Variants in SDK1 observed in about 807,000 individuals in gnomAD.
SDK1 encodes sidekick cell adhesion molecule 1.
A neutral mutation model predicts 245.5 loss-of-function variants in SDK1; 157 were observed. The observed-to-expected ratio is 0.64, with a 90% CI of 0.56 to 0.73. The LOEUF is 0.73. Ranked by LOEUF, SDK1 falls within the 30% of genes least tolerant of loss-of-function variation. The probability of loss-of-function intolerance (pLI) is 0.00; values close to 1 mark genes in which losing one functional copy is unlikely to be tolerated. For synonymous variants in SDK1, 1,647 were observed against 1,278.5 expected, an observed-to-expected ratio of 1.29 and a Z score of -6.15; for missense variants, 3,583 against 3,002.3, an observed-to-expected ratio of 1.19 and a Z score of -4.52.
chr7:4,208,229 A>T lies in SDK1; in HGVS notation c.5345A>T (p.Asn1782Ile). The T allele has an allele frequency of 1.2e-6, 2 of 1,614,090 alleles. No homozygotes were observed. The highest frequency in any genetic ancestry group is 2.2e-5 in the East Asian group (1 of 44,878). Reference sequence around the variant, plus strand: ...TACCTGGTCAGCATATCAGCCTTCAACGCCGCCGGAGATGGACCTAAGAGT... The same window carrying T: ...TACCTGGTCAGCATATCAGCCTTCATCGCCGCCGGAGATGGACCTAAGAGT... The part of the protein sequence containing the change: ...TKYLVSISAF[N>I]AAGDGPKSDP... Residue 1782 changes from asparagine (N) to isoleucine (I), a missense_variant, in exon 37 of 45, where the codon AAC becomes ATC. Asn to Ile is a moderately radical substitution (Grantham distance 149). Transcript: ENST00000404826.
At chr7:4,203,533 TAAA>T (rs10541704) in intron 35 of SDK1, among the ~76,000 whole-genome samples, 1,529 of 148,664 alleles carry the variant, frequency 0.01, 11 homozygotes, top group African/African-American at 0.026. Flanking sequence ...ATTTTTTTTT[TAAA>T]AAAAAAAAGC....
intron 44 of SDK1, among the ~76,000 whole-genome samples, chr7:4,263,248 G>GCC (rs1195387468): frequency 7.2e-6 from 1 of 138,330 alleles, no homozygotes; most frequent in Non-Finnish European, 1.5e-5. Context: ...GTCTGTAGCA[G>GCC]CCCACATCTT....
intron 1 of SDK1, among the ~76,000 whole-genome samples, chr7:3,502,535 C>T (rs1005529028): frequency 1.8e-4 from 28 of 152,280 alleles, no homozygotes; most frequent in African/African-American, 3.9e-4. Flanking sequence ...AGGCGTGAAC[C>T]GCCATTCCCA....
At position 4,178,666 on chromosome 7, in the gene SDK1, C is replaced by A. The variant is rs897900381; in HGVS notation, c.5098+80C>A. On this transcript the variant is annotated intron_variant, in intron 35 of 44. Transcript: ENST00000404826. ...CAGCCAGGCACGCTGCGGCCAAGCC[C>A]CTCAGGTGTCCAGCAGCGTTCTTTC... 4 of 962,220 alleles carry A rather than the reference C, an allele frequency of 4.2e-6. No homozygotes were observed. The African/African-American group carries it at 4.8e-5, about 12-fold the overall frequency. The allele number at this position is 962,220 out of a possible 1,614,324, so 59.6% of individuals were successfully genotyped here. A position where few individuals can be genotyped will look rare whatever the true frequency, so the allele number is the denominator to read the frequency against.
intron 1 of SDK1, among the ~76,000 whole-genome samples, chr7:3,474,676 G>A (rs185913638): frequency 1.6e-4 from 25 of 151,802 alleles, no homozygotes; most frequent in African/African-American, 5.6e-4. Flanking sequence ...TTGCCATCTC[G>A]CACCTGGGTC....
At chr7:3,714,430 T>C (rs1386837697) in intron 4 of SDK1, among the ~76,000 whole-genome samples, 1 of 152,246 alleles carries the variant, frequency 6.6e-6, no homozygotes. Flanking sequence ...CCTGTTTAAA[T>C]ATGAACTAGT....
chr7:3,584,028 A>T (rs1290637322), intron 1 of SDK1, among the ~76,000 whole-genome samples: 1 of 152,178 alleles, frequency 6.6e-6, no homozygotes, highest in Non-Finnish European at 1.5e-5. Flanking sequence ...CGGAATGCCA[A>T]TCTAAGGTGC....
chr7:3,801,453 C>A (rs1015805048), intron 4 of SDK1, among the ~76,000 whole-genome samples: 1 of 152,134 alleles, frequency 6.6e-6, no homozygotes, highest in Non-Finnish European at 1.5e-5. Context: ...CTCAGCTGTG[C>A]ATTCTGAGTT....
rs1046938971 is a variant in SDK1 at position 3,451,408 on chromosome 7, T to G, written c.298+149524T>G. Among the ~76,000 whole-genome samples, 12 of 151,900 alleles carry G rather than the reference T, an allele frequency of 7.9e-5. 1 individual carries two copies. Among genetic ancestry groups the G allele is most frequent in the Admixed American group, 2.6e-4 (4 of 15,246 alleles). On this transcript the variant is annotated intron_variant, in intron 1 of 44. Transcript: ENST00000404826. ...AATAGCTGCGTTTTTGTTTGTGAATTAAAGGGTACATTCTGAGGAAATGGA... is the reference window on the plus strand; with the variant it reads ...AATAGCTGCGTTTTTGTTTGTGAATGAAAGGGTACATTCTGAGGAAATGGA...
At chr7:3,886,177 G>C (rs1471461200) in intron 5 of SDK1, among the ~76,000 whole-genome samples, 1 of 152,198 alleles carries the variant, frequency 6.6e-6, no homozygotes, top group African/African-American at 2.4e-5. Flanking sequence ...GGATGGATCT[G>C]GGCCTTCTAC....
intron 22 of SDK1, among the ~76,000 whole-genome samples, chr7:4,094,143 G>A (rs564220982): frequency 7.8e-4 from 119 of 152,120 alleles, no homozygotes; most frequent in Non-Finnish European, 1.5e-3. Context: ...TGCAACCTCC[G>A]CCTTGTAGGT....
intron 4 of SDK1, among the ~76,000 whole-genome samples, chr7:3,752,117 C>T (rs1247112580): frequency 3.3e-5 from 5 of 152,144 alleles, no homozygotes; most frequent in Non-Finnish European, 5.9e-5. Flanking sequence ...TATTATTGAA[C>T]GTATATTGCA....
intron 1 of SDK1, among the ~76,000 whole-genome samples, chr7:3,604,912 T>C (rs1038941684): frequency 6.6e-6 from 1 of 152,158 alleles, no homozygotes; most frequent in Non-Finnish European, 1.5e-5. Context: ...CCAAACATTT[T>C]TTCTCTGACT....
intron 5 of SDK1, among the ~76,000 whole-genome samples, chr7:3,941,570 G>A (rs1227059752): frequency 6.6e-6 from 1 of 151,940 alleles, no homozygotes; most frequent in Non-Finnish European, 1.5e-5. Flanking sequence ...TTGTCTGACT[G>A]GGGGATGCCT....
At chr7:3,650,605 T>C (rs1782983404) in intron 4 of SDK1, among the ~76,000 whole-genome samples, 2 of 152,224 alleles carry the variant, frequency 1.3e-5, no homozygotes, top group Non-Finnish European at 2.9e-5. Flanking sequence ...TGTTACGGTA[T>C]CACAACCAGG....
At chr7:3,415,735 ATT>A (rs1779346941) in intron 1 of SDK1, among the ~76,000 whole-genome samples, 3 of 149,698 alleles carry the variant, frequency 2.0e-5, no homozygotes, top group South Asian at 2.1e-4. Context: ...ATATATATAT[ATT>A]CATATACAAA....
chr7:3,403,313 A>G (rs569179033), intron 1 of SDK1, among the ~76,000 whole-genome samples: 27 of 152,134 alleles, frequency 1.8e-4, no homozygotes, highest in African/African-American at 6.3e-4. Flanking sequence ...ATTTCATTTC[A>G]TTTTACCCAT....
At chr7:3,580,225 G>A (rs1780436564) in intron 1 of SDK1, among the ~76,000 whole-genome samples, 1 of 152,126 alleles carries the variant, frequency 6.6e-6, no homozygotes, top group Non-Finnish European at 1.5e-5. Context: ...ACCCAAAGCA[G>A]TATACAGATT....
chr7:3,463,742 C>T (rs1161644209), intron 1 of SDK1, among the ~76,000 whole-genome samples: 3 of 152,328 alleles, frequency 2.0e-5, no homozygotes, highest in East Asian at 1.9e-4. Flanking sequence ...TGGTCTCACT[C>T]CTTGAATGCT....
Sources: gnomAD v4.1 joint callset for allele counts (sites outside exome capture counted in the v4.1 genomes callset) on GRCh38, gnomAD v4.1.1 for gene constraint, MANE v1.5 for transcripts, NCBI Gene and HGNC (gene_info 2026-07-23, HGNC 2026-07-21) for gene names.